The following CAST variants were observed in gnomAD, a reference collection of about 807,000 sequenced individuals.
The protein encoded by CAST is calpastatin.
CAST carries 76 observed loss-of-function variants against 119.6 expected under a neutral mutation model. The observed-to-expected ratio is 0.64, with a 90% CI of 0.53 to 0.77. CAST has a LOEUF of 0.77. Among genes scored for constraint, CAST ranks in the 30% least tolerant of loss-of-function variants. The pLI is 0.00. For synonymous variants in CAST, 319 were observed against 331.6 expected (o/e 0.96, Z 0.41); for missense variants, 953 against 946.5 (o/e 1.01, Z -0.09).
the CAST span, among the ~76,000 whole-genome samples, chr5:96,259,972 C>T: frequency 1.3e-5 from 2 of 151,146 alleles, no homozygotes; most frequent in South Asian, 2.1e-4. Context: ...AAGCTTTCTT[C>T]TATTTAACAA....
intron 3 of CAST, among the ~76,000 whole-genome samples, chr5:96,708,405 A>G (rs1447545533): frequency 6.6e-6 from 1 of 152,020 alleles, no homozygotes; most frequent in Non-Finnish European, 1.5e-5. Flanking sequence ...ATTTTCACCT[A>G]TTTTTGATTT....
At chr5:96,116,988 C>T in the CAST span, among the ~76,000 whole-genome samples, 5 of 152,122 alleles carry the variant, frequency 3.3e-5, no homozygotes, top group East Asian at 1.9e-4. Context: ...GTATGCTTGG[C>T]GGGGTGGCAG....
At chr5:96,585,069 G>A (rs1012791651) in intron 1 of CAST, 3 of 152,120 alleles carry the variant, frequency 2.0e-5, no homozygotes, top group Non-Finnish European at 4.4e-5. Context: ...TTAACAACTG[G>A]CAGATATATG....
At chr5:96,147,363 G>C in the CAST span, among the ~76,000 whole-genome samples, 4 of 152,172 alleles carry the variant, frequency 2.6e-5, no homozygotes, top group Non-Finnish European at 5.9e-5. Flanking sequence ...CCAGCACTTT[G>C]GGAGGCCGAG....
At chr5:96,072,133 A>T in the CAST span, among the ~76,000 whole-genome samples, 1 of 152,198 alleles carries the variant, frequency 6.6e-6, no homozygotes, top group African/African-American at 2.4e-5. Context: ...GGAAAACACT[A>T]AAACAATAGA....
upstream of CAST, among the ~76,000 whole-genome samples, chr5:96,659,901 G>A (rs1182309331): frequency 6.6e-6 from 1 of 152,144 alleles, no homozygotes; most frequent in South Asian, 2.1e-4. Flanking sequence ...TTCTTCACTG[G>A]CTACAAGGAA....
chr5:96,528,529 GA>G (rs1745635137), upstream of CAST, among the ~76,000 whole-genome samples: 2 of 152,176 alleles, frequency 1.3e-5, no homozygotes, highest in Admixed American at 6.5e-5. Flanking sequence ...GGAGGATACT[GA>G]AAAGGCTTCA....
the CAST span, chr5:96,425,737 A>T: frequency 1.3e-6 from 1 of 787,366 alleles, no homozygotes. Flanking sequence ...ATAAAAAAAA[A>T]AAAAAATCCA....
the CAST span, among the ~76,000 whole-genome samples, chr5:96,154,203 G>C: frequency 6.6e-6 from 1 of 151,880 alleles, no homozygotes; most frequent in Admixed American, 6.6e-5. Flanking sequence ...GTGTGAACCT[G>C]GGAGGCAGAG....
chr5:96,542,248 C>T (rs1436758383), intron 1 of CAST, among the ~76,000 whole-genome samples: 1 of 150,288 alleles, frequency 6.7e-6, no homozygotes, highest in African/African-American at 2.5e-5. Flanking sequence ...GGGGCGGAGC[C>T]TGCAGTGAGC....
At chr5:96,103,316 A>G in the CAST span, among the ~76,000 whole-genome samples, 143 of 150,536 alleles carry the variant, frequency 9.5e-4, no homozygotes, top group African/African-American at 3.2e-3. Flanking sequence ...GTCATCTAGC[A>G]TTAGGTATAT....
At chr5:96,644,376 G>A (rs532571586) in intron 1 of CAST, among the ~76,000 whole-genome samples, 3 of 152,196 alleles carry the variant, frequency 2.0e-5, no homozygotes, top group Admixed American at 1.3e-4. Context: ...ATGGCATGTT[G>A]GTCAGCTACA....
the CAST span, among the ~76,000 whole-genome samples, chr5:96,039,985 T>C: frequency 6.6e-6 from 1 of 152,234 alleles, no homozygotes; most frequent in Non-Finnish European, 1.5e-5. Context: ...TTCATGATAT[T>C]GATCCTTCCT....
the CAST span, among the ~76,000 whole-genome samples, chr5:96,025,714 TAC>T: frequency 6.6e-6 from 1 of 152,162 alleles, no homozygotes. Context: ...AGAAGCTCAA[TAC>T]AGAGAGAATT....
chr5:96,356,648 T>G, the CAST span, among the ~76,000 whole-genome samples: 1 of 152,198 alleles, frequency 6.6e-6, no homozygotes, highest in Non-Finnish European at 1.5e-5. Flanking sequence ...GTTGTAGATG[T>G]GTGGCATTAT....
intron 3 of CAST, among the ~76,000 whole-genome samples, chr5:96,720,824 T>A (rs1000873947): frequency 6.6e-6 from 1 of 152,210 alleles, no homozygotes; most frequent in Non-Finnish European, 1.5e-5. Flanking sequence ...GTGTGGAAAA[T>A]ATGTCTACCT....
At chr5:96,685,482 T>C (rs193200512) in intron 2 of CAST, among the ~76,000 whole-genome samples, 16 of 152,318 alleles carry the variant, frequency 1.1e-4, no homozygotes, top group Non-Finnish European at 2.2e-4. Context: ...GTCAATATTA[T>C]TTTTCCACAT....
the CAST span, among the ~76,000 whole-genome samples, chr5:95,964,102 G>T: frequency 6.6e-6 from 1 of 152,086 alleles, no homozygotes; most frequent in South Asian, 2.1e-4. Context: ...GTGAGTTAAT[G>T]GTTGTTTGTA....
chr5:96,181,442 C>G, the CAST span, among the ~76,000 whole-genome samples: 2 of 152,152 alleles, frequency 1.3e-5, no homozygotes, highest in Non-Finnish European at 2.9e-5. Context: ...ACTTGGGACA[C>G]GGAGCATCAA....
Sources: gnomAD v4.1 joint callset for allele counts (sites outside exome capture counted in the v4.1 genomes callset) on GRCh38, gnomAD v4.1.1 for gene constraint, MANE v1.5 for transcripts, NCBI Gene and HGNC (gene_info 2026-07-23, HGNC 2026-07-21) for gene names.